HPSE2: variants seen among roughly 807,000 people sequenced by gnomAD.
The protein encoded by HPSE2 is inactive heparanase-2.
A neutral mutation model predicts 60.5 loss-of-function variants in HPSE2; 38 were observed. That is an observed-to-expected ratio of 0.63 (90% CI 0.48 to 0.82). The LOEUF (loss-of-function observed/expected upper bound fraction) is 0.82. HPSE2 is among the 40% of genes least tolerant of loss of function. HPSE2 has a pLI of 0.00. For missense variants in HPSE2, 713 were observed against 740.4 expected, an observed-to-expected ratio of 0.96 and a Z score of 0.43; for synonymous variants, 295 against 293.2, an observed-to-expected ratio of 1.01 and a Z score of -0.06.
chr10:99,103,658 G>A (rs573235723), intron 3 of HPSE2, among the ~76,000 whole-genome samples: 32 of 152,220 alleles, frequency 2.1e-4, no homozygotes, highest in African/African-American at 7.2e-4. Flanking sequence ...GGAACCAAAA[G>A]AGAGCCCGCA....
chr10:98,712,840 C>T (rs959256823), intron 5 of HPSE2, among the ~76,000 whole-genome samples: 3 of 152,114 alleles, frequency 2.0e-5, no homozygotes, highest in African/African-American at 7.2e-5. Flanking sequence ...ATTCTTCATT[C>T]TTCACTCATT....
intron 3 of HPSE2, among the ~76,000 whole-genome samples, chr10:99,044,561 C>A (rs2135483259): frequency 6.6e-6 from 1 of 152,220 alleles, no homozygotes; most frequent in African/African-American, 2.4e-5. Flanking sequence ...CATAAAGTGG[C>A]AAGCTGAATA....
intron 3 of HPSE2, among the ~76,000 whole-genome samples, chr10:99,127,283 T>A (rs1040805227): frequency 6.6e-6 from 1 of 151,788 alleles, no homozygotes; most frequent in Admixed American, 6.6e-5. Context: ...TTCAGAGAAA[T>A]AGATATCATA....
the HPSE2 span, among the ~76,000 whole-genome samples, chr10:99,281,923 T>G: frequency 6.6e-6 from 1 of 152,090 alleles, no homozygotes; most frequent in African/African-American, 2.4e-5. Context: ...CTGAGTTGGC[T>G]ATATTATTAT....
chr10:98,741,537 C>T (rs1949496971), intron 4 of HPSE2, among the ~76,000 whole-genome samples: 1 of 151,172 alleles, frequency 6.6e-6, no homozygotes, highest in Non-Finnish European at 1.5e-5. Context: ...CCAACCCACC[C>T]CCGCCACAAA....
chr10:99,195,080 G>A (rs927795044), intron 2 of HPSE2, among the ~76,000 whole-genome samples: 9 of 152,144 alleles, frequency 5.9e-5, no homozygotes, highest in Middle Eastern at 3.4e-3. Context: ...GCTCGACATA[G>A]GCAAATCAAT....
the HPSE2 span, among the ~76,000 whole-genome samples, chr10:99,246,403 T>TA: frequency 6.6e-6 from 1 of 152,168 alleles, no homozygotes; most frequent in Non-Finnish European, 1.5e-5. Context: ...AGTGCTATAA[T>TA]AAAAATGTGG....
At chr10:99,003,945 C>G (rs1956834152) in intron 3 of HPSE2, among the ~76,000 whole-genome samples, 2 of 151,986 alleles carry the variant, frequency 1.3e-5, no homozygotes, top group Non-Finnish European at 2.9e-5. Flanking sequence ...AGTCTTTTAT[C>G]CATTTTGGGT....
At chr10:98,491,869 A>C (rs1361321842) in intron 9 of HPSE2, among the ~76,000 whole-genome samples, 7 of 152,194 alleles carry the variant, frequency 4.6e-5, no homozygotes, top group Non-Finnish European at 1.0e-4. Context: ...TTCAACCTAA[A>C]GGGTGGGTAT....
At chr10:98,703,829 G>T (rs960398358) in intron 5 of HPSE2, among the ~76,000 whole-genome samples, 23 of 152,134 alleles carry the variant, frequency 1.5e-4, no homozygotes, top group African/African-American at 5.6e-4. Context: ...ATGGGCAAAA[G>T]CTGGAAGCAT....
intron 3 of HPSE2, among the ~76,000 whole-genome samples, chr10:98,887,842 T>C (rs1564633855): frequency 6.6e-6 from 1 of 151,504 alleles, no homozygotes; most frequent in East Asian, 1.9e-4. Flanking sequence ...GAAGATAGAA[T>C]TAAAGTAATT....
At chr10:98,584,181 G>T (rs908170846) in intron 9 of HPSE2, among the ~76,000 whole-genome samples, 6 of 152,162 alleles carry the variant, frequency 3.9e-5, no homozygotes, top group Non-Finnish European at 5.9e-5. Flanking sequence ...AAAGTAGGGG[G>T]TAAAAAGAGT....
At chr10:98,604,967 C>T (rs1017713395) in intron 9 of HPSE2, among the ~76,000 whole-genome samples, 1 of 152,182 alleles carries the variant, frequency 6.6e-6, no homozygotes, top group Non-Finnish European at 1.5e-5. Flanking sequence ...CCAAGGCCTT[C>T]CTGCCTTCCT....
chr10:98,734,434 T>C lies in HPSE2; in HGVS notation c.784+9449A>G, dbSNP rs578176501. On this transcript the variant is annotated intron_variant, in intron 4 of 11. Coordinates refer to ENST00000370552, the MANE Select transcript of HPSE2 (RefSeq NM_021828.5). The stretch of plus-strand genomic sequence containing the variant: ...ACTTTTTGAGGAACTACTGGACTAT[T>C]TTCCAAAGTGGCTGTACCATTTGAC... 3.3e-5 allele frequency among the ~76,000 whole-genome samples: 5 copies of C among 152,328 alleles called. No homozygotes were observed. The South Asian group carries it at 1.0e-3, about 32-fold the overall frequency.
intron 3 of HPSE2, among the ~76,000 whole-genome samples, chr10:98,839,072 T>C (rs1951854745): frequency 6.6e-6 from 1 of 152,218 alleles, no homozygotes; most frequent in African/African-American, 2.4e-5. Flanking sequence ...CTACAGTATG[T>C]CTTTACTAAT....
chr10:98,789,217 G>T (rs1014646150), intron 3 of HPSE2, among the ~76,000 whole-genome samples: 2 of 152,184 alleles, frequency 1.3e-5, no homozygotes, highest in African/African-American at 2.4e-5. Context: ...TTAGCTGTGT[G>T]TAAAAAATGG....
chr10:99,097,571 A>T (rs1320467538), intron 3 of HPSE2, among the ~76,000 whole-genome samples: 1 of 152,184 alleles, frequency 6.6e-6, no homozygotes, highest in African/African-American at 2.4e-5. Context: ...TTTATTTTAC[A>T]TGGTTGCAAA....
intron 3 of HPSE2, among the ~76,000 whole-genome samples, chr10:98,990,587 C>T (rs1186034086): frequency 1.1e-4 from 17 of 152,156 alleles, no homozygotes; most frequent in Admixed American, 1.0e-3. Flanking sequence ...GTTGGGGACC[C>T]GTGTGCTAAA....
chr10:98,773,197 CTT>C (rs1036798387), intron 3 of HPSE2, among the ~76,000 whole-genome samples: 2 of 152,148 alleles, frequency 1.3e-5, no homozygotes, highest in Admixed American at 6.6e-5. Flanking sequence ...AGTTTAACTA[CTT>C]TTGTACACAA....
Sources: allele counts gnomAD v4.1 joint callset (sites outside exome capture counted in the v4.1 genomes callset), GRCh38; gene constraint gnomAD v4.1.1; transcripts MANE v1.5; gene names NCBI Gene and HGNC (gene_info 2026-07-23, HGNC 2026-07-21).